SYTL4: variants seen among roughly 807,000 people sequenced by gnomAD.
SYTL4 encodes synaptotagmin like 4, also known as synaptotagmin-like protein 4.
Under a neutral mutation model 52.7 loss-of-function variants are expected in SYTL4, and 16 were observed. The ratio of observed to expected loss-of-function variants is 0.30; its 90% CI spans 0.21 to 0.46. The LOEUF is 0.46. SYTL4 is among the 20% of genes least tolerant of loss of function. SYTL4 has a pLI of 1.00. For synonymous variants in SYTL4, 160 were observed against 186.6 expected, an observed-to-expected ratio of 0.86 and a Z score of 1.16; for missense variants, 423 against 519.9, an observed-to-expected ratio of 0.81 and a Z score of 1.81.
At chrX:100,686,928 T>C (rs2083484520) in intron 14 of SYTL4, 139 bp downstream of exon 14, 1 of 868,721 alleles carries the variant, frequency 1.2e-6, no homozygotes, top group Admixed American at 3.2e-5. Context: ...TTCTTGCTTT[T>C]TCCCAATCCT....
intron 2 of SYTL4, among the ~76,000 whole-genome samples, chrX:100,723,663 C>G (rs750169518): frequency 1.8e-5 from 2 of 109,252 alleles, no homozygotes; most frequent in South Asian, 8.2e-4. Context: ...GGCCGCCCAT[C>G]GTCTGAGATG....
At chrX:100,700,825 G>T in intron 8 of SYTL4, 72 bp downstream of exon 8, 1 of 802,130 alleles carries the variant, frequency 1.2e-6, no homozygotes, top group Non-Finnish European at 1.9e-6. Context: ...ATAAACAGAA[G>T]AAGTAAAAAG....
intron 2 of SYTL4, among the ~76,000 whole-genome samples, chrX:100,714,289 T>C (rs188032730): frequency 1.9e-5 from 2 of 103,602 alleles, no homozygotes; most frequent in Admixed American, 2.1e-4. Context: ...TGAGATGGAG[T>C]CTTGCTGTTG....
chrX:100,703,264 G>A (rs1229183814), intron 3 of SYTL4, 79 bp from the exon 4 acceptor site: 2 of 111,336 alleles, frequency 1.8e-5, no homozygotes, highest in Non-Finnish European at 3.8e-5. Context: ...GGCTGAAGTG[G>A]GAGGATTGTT....
At chrX:100,723,793 AG>A (rs1569419075) in intron 2 of SYTL4, among the ~76,000 whole-genome samples, 1 of 103,427 alleles carries the variant, frequency 9.7e-6, no homozygotes, top group Non-Finnish European at 2.0e-5. Flanking sequence ...AGAAGTGAGG[AG>A]TCCCTCCGCC....
intron 2 of SYTL4, among the ~76,000 whole-genome samples, chrX:100,720,690 T>C (rs1259665839): frequency 8.9e-6 from 1 of 112,704 alleles, no homozygotes; most frequent in Non-Finnish European, 1.9e-5. Flanking sequence ...ATTTGGTTTC[T>C]TTTTAATTTT....
intron 10 of SYTL4, 46 bp downstream of exon 10, chrX:100,690,517 G>A: frequency 9.4e-7 from 1 of 1,062,359 alleles, no homozygotes; most frequent in Non-Finnish European, 1.3e-6. Context: ...AAGGAGAAAG[G>A]GAAGGAAGGG....
At chrX:100,682,712 C>G (rs751471256) in intron 16 of SYTL4, among the ~76,000 whole-genome samples, 7 of 110,637 alleles carry the variant, frequency 6.3e-5, no homozygotes, top group African/African-American at 9.9e-5. Context: ...GTCCCTCCCC[C>G]CAAAAAAAGA....
intron 8 of SYTL4, among the ~76,000 whole-genome samples, chrX:100,700,380 A>G (rs1051049681): frequency 1.8e-5 from 2 of 112,293 alleles, no homozygotes; most frequent in Middle Eastern, 9.2e-3. Context: ...AAGATTAGCT[A>G]TTCTTTCATT....
rs1239534276 is a variant in SYTL4 at position 100,674,932 on chromosome X, C to T, written c.*1096G>A. The stretch of plus-strand genomic sequence containing the variant: ...ATAGCAAAAACAGGAACTGAAAGCT[C>T]ATCAAGCAGGAAGTCAGAATAACAG... On this transcript the variant is annotated 3_prime_UTR_variant, in exon 20 of 20. Transcript: ENST00000372989. The T allele has an allele frequency of 9.0e-6, 1 of 111,716 alleles. No individual in the cohort carries two copies. Among genetic ancestry groups the T allele is most frequent in the Non-Finnish European group, 1.9e-5 (1 of 53,176 alleles). 9.2% of individuals were successfully genotyped at this position (111,716 alleles called of 1,213,427 possible). A position where few individuals can be genotyped will look rare whatever the true frequency, so the allele number is the denominator to read the frequency against.
intron 3 of SYTL4, among the ~76,000 whole-genome samples, chrX:100,704,431 G>GA (rs1172799484): frequency 3.6e-5 from 4 of 112,586 alleles, no homozygotes; most frequent in African/African-American, 3.2e-5. Context: ...CAGGCAGCAA[G>GA]AAAAAACAGA....
Position 100,678,608 on chromosome X carries a change from G to A in SYTL4, c.1659-9C>T. ...TCATGGGAAGGAGGTATCTGGCAGAGGGCGGGGAGTAATCAACAGCCTACT... is the reference window on the plus strand; with the variant it reads ...TCATGGGAAGGAGGTATCTGGCAGAAGGCGGGGAGTAATCAACAGCCTACT... On this transcript the variant is annotated splice_polypyrimidine_tract_variant and intron_variant, in intron 18 of 19. Coordinates refer to ENST00000372989, the MANE Select transcript of SYTL4 (RefSeq NM_001370165.1). 1 of 1,194,920 alleles carries A rather than the reference G, an allele frequency of 8.4e-7. No homozygotes were observed. Among genetic ancestry groups the A allele is most frequent in the Non-Finnish European group, 1.1e-6 (1 of 880,428 alleles).
intron 8 of SYTL4, among the ~76,000 whole-genome samples, chrX:100,694,907 G>A (rs2083673962): frequency 9.0e-6 from 1 of 111,566 alleles, no homozygotes; most frequent in African/African-American, 3.3e-5. Context: ...ACTTACAAGA[G>A]GTGAAATGTC....
At chrX:100,710,571 TAAC>T (rs1211807507) in intron 2 of SYTL4, among the ~76,000 whole-genome samples, 136 of 112,048 alleles carry the variant, frequency 1.2e-3, no homozygotes, top group African/African-American at 4.2e-3. Flanking sequence ...CCTGAAACAA[TAAC>T]AACAACAACA....
At chrX:100,726,973 C>T (rs992125801) in intron 2 of SYTL4, among the ~76,000 whole-genome samples, 5 of 110,766 alleles carry the variant, frequency 4.5e-5, no homozygotes, top group African/African-American at 1.6e-4. Context: ...TCCCACTCTC[C>T]ATGTCCATGT....
At chrX:100,693,219 C>G (rs931626468) in intron 8 of SYTL4, among the ~76,000 whole-genome samples, 75 of 112,274 alleles carry the variant, frequency 6.7e-4, no homozygotes, top group Non-Finnish European at 1.1e-3. Flanking sequence ...CGTGAGCCAT[C>G]ATGCCCGGCC....
chrX:100,682,668 C>T (rs1486096065), intron 16 of SYTL4, among the ~76,000 whole-genome samples: 1 of 110,784 alleles, frequency 9.0e-6, no homozygotes, highest in Non-Finnish European at 1.9e-5. Flanking sequence ...GATCGCACCA[C>T]CGCACTCCAG....
chrX:100,697,456 G>A (rs764571806), intron 8 of SYTL4, among the ~76,000 whole-genome samples: 1 of 112,136 alleles, frequency 8.9e-6, no homozygotes, highest in South Asian at 3.7e-4. Context: ...CCATATTAAA[G>A]TTCAGTAAAA....
At chrX:100,689,773 T>A in intron 12 of SYTL4, 83 bp downstream of exon 12, 1 of 553,386 alleles carries the variant, frequency 1.8e-6, no homozygotes, top group Non-Finnish European at 2.9e-6. Flanking sequence ...TTAAATAGGT[T>A]GACTGAGAAT....
Sources: gnomAD v4.1 joint callset for allele counts (sites outside exome capture counted in the v4.1 genomes callset) on GRCh38, gnomAD v4.1.1 for gene constraint, MANE v1.5 for transcripts, NCBI Gene and HGNC (gene_info 2026-07-23, HGNC 2026-07-21) for gene names.